The following SLC4A5 variants were observed in gnomAD, a reference collection of about 807,000 sequenced individuals.
SLC4A5 encodes electrogenic sodium bicarbonate cotransporter 4.
In SLC4A5, 96 loss-of-function variants were observed where a neutral mutation model predicts 120.4. That is an observed-to-expected ratio of 0.80 (90% CI 0.68 to 0.94). The LOEUF (loss-of-function observed/expected upper bound fraction) is 0.94, where lower values mean the gene tolerates loss of function less well. SLC4A5 is among the 40% of genes least tolerant of loss of function. The pLI, the probability that SLC4A5 is intolerant of heterozygous loss-of-function variation, is 0.00. For missense variants in SLC4A5, 1,259 were observed against 1,459.5 expected (o/e 0.86, Z 2.24); for synonymous variants, 550 against 571.1 (o/e 0.96, Z 0.53).
exon 31 of SLC4A5, chr2:74,217,945 A>G (rs111787947): frequency 2.0e-5 from 3 of 152,544 alleles, no homozygotes; most frequent in African/African-American, 4.8e-5. Context: ...CTGGGACTAC[A>G]GGTGCATGCC....
At chr2:74,268,328 G>A (rs1261510111) in intron 8 of SLC4A5, among the ~76,000 whole-genome samples, 5 of 152,198 alleles carry the variant, frequency 3.3e-5, no homozygotes. Flanking sequence ...TGCCATTCTA[G>A]ATCTCCTCGT....
At chr2:74,291,740 G>A (rs1445953529) in intron 7 of SLC4A5, among the ~76,000 whole-genome samples, 2 of 152,214 alleles carry the variant, frequency 1.3e-5, no homozygotes, top group African/African-American at 2.4e-5. Context: ...ATAGTGTTGG[G>A]ATTACAGGTG....
At chr2:74,288,770 T>C (rs7575147) in intron 7 of SLC4A5, among the ~76,000 whole-genome samples, 58,847 of 152,082 alleles carry the variant, frequency 0.39, 17,766 homozygotes, top group African/African-American at 0.81. Context: ...ACTGCTCCTT[T>C]TGGAAGCTCG....
intron 13 of SLC4A5, 111 bp from the exon 14 acceptor site, chr2:74,254,817 A>C: frequency 1.7e-6 from 1 of 605,388 alleles, no homozygotes; most frequent in Non-Finnish European, 2.8e-6. Context: ...AACAGTATGC[A>C]TTTTTTTTTT....
At chr2:74,259,724 C>G in intron 11 of SLC4A5, 81 bp from the exon 12 acceptor site, 1 of 1,365,636 alleles carries the variant, frequency 7.3e-7, no homozygotes, top group Non-Finnish European at 1.0e-6. Flanking sequence ...ACTCATGTAC[C>G]TCTCCCATGT....
intron 24 of SLC4A5, among the ~76,000 whole-genome samples, chr2:74,231,975 C>T (rs915348478): frequency 6.6e-6 from 1 of 152,152 alleles, no homozygotes; most frequent in Admixed American, 6.5e-5. Context: ...TACTTCTCTG[C>T]CTACCATGGG....
At chr2:74,280,264 C>A (rs1158945161) in intron 8 of SLC4A5, among the ~76,000 whole-genome samples, 2 of 152,108 alleles carry the variant, frequency 1.3e-5, no homozygotes, top group African/African-American at 4.8e-5. Flanking sequence ...TAACTCTGAC[C>A]CATCCTTCAG....
At chr2:74,216,780 T>G (rs1694457081) in exon 31 of SLC4A5, 1 of 152,170 alleles carries the variant, frequency 6.6e-6, no homozygotes, top group South Asian at 2.1e-4. Context: ...AGCTAATTTT[T>G]AAACATTTGT....
At chr2:74,269,016 G>A (rs1261270959) in intron 8 of SLC4A5, among the ~76,000 whole-genome samples, 1 of 152,228 alleles carries the variant, frequency 6.6e-6, no homozygotes, top group Admixed American at 6.5e-5. Flanking sequence ...GGGAGGTGAA[G>A]ACCTGAAACA....
At chr2:74,323,970 G>A (rs556962735) in intron 5 of SLC4A5, among the ~76,000 whole-genome samples, 5 of 152,296 alleles carry the variant, frequency 3.3e-5, no homozygotes, top group African/African-American at 1.2e-4. Context: ...GTGGAACTGT[G>A]GCATATGGAG....
chr2:74,315,122 T>G, intron 5 of SLC4A5, 97 bp from the exon 6 acceptor site: 1 of 1,020,206 alleles, frequency 9.8e-7, no homozygotes, highest in Admixed American at 1.8e-5. Context: ...ATGGGAGATT[T>G]TAATACAGAT....
intron 12 of SLC4A5, among the ~76,000 whole-genome samples, 155 bp downstream of exon 12, chr2:74,259,433 C>T (rs1221932563): frequency 6.6e-6 from 1 of 152,182 alleles, no homozygotes; most frequent in African/African-American, 2.4e-5. Context: ...TGGCAAAGTC[C>T]CCCAGGCAGC....
intron 26 of SLC4A5, 77 bp from the exon 27 acceptor site, chr2:74,227,207 G>A: frequency 6.8e-7 from 1 of 1,468,398 alleles, no homozygotes; most frequent in Non-Finnish European, 9.1e-7. Flanking sequence ...GGGAAGGGGT[G>A]CCTGGGTGGG....
At chr2:74,271,139 G>A (rs934546801) in intron 8 of SLC4A5, among the ~76,000 whole-genome samples, 4 of 152,116 alleles carry the variant, frequency 2.6e-5, no homozygotes, top group African/African-American at 9.7e-5. Context: ...AAGCTCCTAG[G>A]TGTGCTCATG....
chr2:74,220,569 T>A (rs570751253), intron 30 of SLC4A5, among the ~76,000 whole-genome samples: 2 of 152,176 alleles, frequency 1.3e-5, no homozygotes, highest in South Asian at 4.1e-4. Context: ...CAGGCTGGAG[T>A]GCAGTGGCGT....
exon 27 of SLC4A5, chr2:74,227,042 T>G (rs960962065): frequency 6.2e-7 from 1 of 1,613,854 alleles, no homozygotes; most frequent in African/African-American, 1.3e-5. Flanking sequence ...GGTGAAGAGG[T>G]GGATCCGGCG....
chr2:74,250,295 G>C (rs762484142), intron 17 of SLC4A5, 48 bp downstream of exon 17: 3 of 1,576,724 alleles, frequency 1.9e-6, no homozygotes, highest in Non-Finnish European at 1.7e-6. Flanking sequence ...CTGCCACCAG[G>C]TGGCGGCAGA....
chr2:74,318,360 T>C (rs895856700), intron 5 of SLC4A5, among the ~76,000 whole-genome samples: 8 of 152,142 alleles, frequency 5.3e-5, no homozygotes, highest in Admixed American at 5.2e-4. Context: ...CACAATGAGA[T>C]ACCATCTTAC....
chr2:74,286,759 G>C (rs559922170), intron 7 of SLC4A5, among the ~76,000 whole-genome samples: 2 of 152,216 alleles, frequency 1.3e-5, no homozygotes, highest in South Asian at 4.1e-4. Flanking sequence ...GTCACAAAAG[G>C]ACTCTCTGAG....
Sources: gnomAD v4.1 joint callset for allele counts (sites outside exome capture counted in the v4.1 genomes callset) on GRCh38, gnomAD v4.1.1 for gene constraint, MANE v1.5 for transcripts, NCBI Gene and HGNC (gene_info 2026-07-23, HGNC 2026-07-21) for gene names.